The following ANKRD36 variants were observed in gnomAD, a reference collection of about 807,000 sequenced individuals.
ANKRD36 encodes the protein ankyrin repeat domain 36.
Under a neutral mutation model 278.1 loss-of-function variants are expected in ANKRD36, and 179 were observed. The ratio of observed to expected loss-of-function variants is 0.64; its 90% CI spans 0.57 to 0.73. ANKRD36 has a LOEUF of 0.73. ANKRD36 is among the 30% of genes least tolerant of loss of function. The pLI, the probability that ANKRD36 is intolerant of heterozygous loss-of-function variation, is 0.00. For missense variants in ANKRD36, 1,159 were observed against 1,956.7 expected (o/e 0.59, Z 7.69); for synonymous variants, 320 against 641.1 (o/e 0.50, Z 7.57).
intron 28 of ANKRD36, among the ~76,000 whole-genome samples, chr2:97,183,903 A>C (rs1349351813): frequency 1.3e-5 from 2 of 151,730 alleles, no homozygotes; most frequent in East Asian, 3.9e-4. Flanking sequence ...AGTTCAAGAC[A>C]TAAGAGGATC....
intron 44 of ANKRD36, among the ~76,000 whole-genome samples, chr2:97,198,877 A>G (rs2060523201): frequency 6.6e-6 from 1 of 151,768 alleles, no homozygotes; most frequent in African/African-American, 2.4e-5. Context: ...GAAATTGGGA[A>G]GAAGAAATAT....
At chr2:97,219,726 C>T (rs1385650396) in intron 66 of ANKRD36, among the ~76,000 whole-genome samples, 3 of 135,898 alleles carry the variant, frequency 2.2e-5, no homozygotes, top group Non-Finnish European at 3.0e-5. Context: ...GGTGATCCTC[C>T]CGCCTCGCCC....
intron 39 of ANKRD36, 33 bp from the exon 40 acceptor site, chr2:97,194,812 C>T (rs778616228): frequency 6.2e-7 from 1 of 1,602,026 alleles, no homozygotes; most frequent in Non-Finnish European, 8.5e-7. Flanking sequence ...TGAAACATAC[C>T]TTATTTATTA....
At position 97,113,621 on chromosome 2, in the gene ANKRD36, T is replaced by C. The variant is rs965278057; in HGVS notation, c.-119T>C. The C allele has an allele frequency of 1.1e-5, 14 of 1,313,382 alleles. 1 individual carries two copies. Among genetic ancestry groups the C allele is most frequent in the East Asian group, 5.0e-5 (2 of 39,804 alleles). 81.4% of individuals were successfully genotyped at this position (1,313,382 alleles called of 1,614,324 possible). A position where few individuals can be genotyped will look rare whatever the true frequency, so the allele number is the denominator to read the frequency against. ...GTTTCTGCTGAGAGGCGGGAGGCGC[T>C]GAGAGTCTGTGCGGAGGTCCGTGGA... On this transcript the variant is annotated 5_prime_UTR_variant, in exon 1 of 76. Coordinates refer to ENST00000420699, the MANE Select transcript of ANKRD36 (RefSeq NM_001354587.1).
chr2:97,158,540 T>C, intron 16 of ANKRD36, 48 bp from the exon 17 acceptor site: 1 of 1,526,354 alleles, frequency 6.6e-7, no homozygotes, highest in Non-Finnish European at 8.8e-7. Flanking sequence ...ATTTCTTGAT[T>C]CTTAATTACA....
chr2:97,146,546 A>G, intron 11 of ANKRD36, 30 bp downstream of exon 11: 3 of 1,484,748 alleles, frequency 2.0e-6, no homozygotes, highest in Non-Finnish European at 2.7e-6. Flanking sequence ...TTAAAGTGAT[A>G]TGTTAACTTA....
chr2:97,171,733 A>C (rs2052604555), intron 22 of ANKRD36, among the ~76,000 whole-genome samples: 1 of 151,650 alleles, frequency 6.6e-6, no homozygotes, highest in South Asian at 2.1e-4. Flanking sequence ...AAAAAAAAAA[A>C]CAAAAACAAA....
intron 67 of ANKRD36, among the ~76,000 whole-genome samples, chr2:97,226,616 T>G (rs1277995600): frequency 1.3e-5 from 2 of 152,144 alleles, no homozygotes; most frequent in Non-Finnish European, 2.9e-5. Flanking sequence ...CTGTGCAAAA[T>G]CTCTTCAGTT....
chr2:97,190,158 A>G (rs1575558367), intron 34 of ANKRD36, among the ~76,000 whole-genome samples: 1 of 91,420 alleles, frequency 1.1e-5, no homozygotes, highest in East Asian at 2.2e-4. Flanking sequence ...GTTGAATTCT[A>G]ATTAACTCCT....
At chr2:97,218,016 G>A (rs560337114) in intron 64 of ANKRD36, among the ~76,000 whole-genome samples, 1 of 152,196 alleles carries the variant, frequency 6.6e-6, no homozygotes, top group African/African-American at 2.4e-5. Flanking sequence ...TGCTAGAATT[G>A]GGATAAACCA....
intron 64 of ANKRD36, among the ~76,000 whole-genome samples, 195 bp downstream of exon 64, chr2:97,217,567 T>C (rs1383801603): frequency 1.3e-5 from 2 of 152,086 alleles, no homozygotes; most frequent in African/African-American, 4.8e-5. Flanking sequence ...AACAAGCTTA[T>C]AGACTTCCCT....
intron 66 of ANKRD36, among the ~76,000 whole-genome samples, chr2:97,220,325 A>G (rs1431667240): frequency 2.0e-5 from 3 of 149,448 alleles, no homozygotes; most frequent in Non-Finnish European, 4.4e-5. Context: ...ATAAAATGCT[A>G]CATTTTATTC....
chr2:97,178,595 G>A lies in ANKRD36; in HGVS notation c.1634-1143G>A, dbSNP rs1330459260. 2.0e-5 allele frequency among the ~76,000 whole-genome samples: 3 copies of A among 148,822 alleles called. No individual in the cohort carries two copies. The Admixed American group carries it at 2.0e-4, about 10-fold the overall frequency. On this transcript the variant is annotated intron_variant, in intron 22 of 75. Transcript: ENST00000420699. ...TCGCAAAAACAAAAAACCAAACACC[G>A]CATATTCTCACTCATAGGTGGGAAT... is the stretch of plus-strand genomic sequence containing the variant.
At chr2:97,181,081 G>T (rs1226380539) in intron 24 of ANKRD36, among the ~76,000 whole-genome samples, 1 of 151,638 alleles carries the variant, frequency 6.6e-6, no homozygotes, top group African/African-American at 2.4e-5. Context: ...CATATCCAAG[G>T]TGATCAATTT....
At chr2:97,172,692 T>A (rs1210434208) in intron 22 of ANKRD36, among the ~76,000 whole-genome samples, 1 of 152,134 alleles carries the variant, frequency 6.6e-6, no homozygotes, top group Non-Finnish European at 1.5e-5. Flanking sequence ...TTCATGAATG[T>A]TAAACTCTAA....
chr2:97,207,769 A>G (rs1201268341), intron 52 of ANKRD36, 42 bp from the exon 53 acceptor site: 12 of 1,543,858 alleles, frequency 7.8e-6, no homozygotes, highest in African/African-American at 4.1e-5. Flanking sequence ...TAATTTTGTC[A>G]TTTTTACACA....
intron 22 of ANKRD36, among the ~76,000 whole-genome samples, chr2:97,171,658 A>G (rs2052565097): frequency 6.7e-6 from 1 of 148,540 alleles, no homozygotes; most frequent in South Asian, 2.2e-4. Flanking sequence ...ATATGTAACT[A>G]ACCTGCACAA....
At chr2:97,183,751 T>C in intron 28 of ANKRD36, 97 bp downstream of exon 28, 1 of 1,416,276 alleles carries the variant, frequency 7.1e-7, no homozygotes, top group East Asian at 2.5e-5. Context: ...GAAAATGCAC[T>C]TTCTGATTCA....
chr2:97,215,572 G>A lies in ANKRD36; in HGVS notation c.3673+75G>A, dbSNP rs756840434. On this transcript the variant is annotated intron_variant, in intron 62 of 75. Coordinates refer to ENST00000420699, the MANE Select transcript of ANKRD36 (RefSeq NM_001354587.1). Reference sequence around the variant, plus strand: ...ATTCACTTCCCTAAATAAATCAGCGGGGGGTTCATTGAAGTTTTATGTTTG... The same window carrying A: ...ATTCACTTCCCTAAATAAATCAGCGAGGGGTTCATTGAAGTTTTATGTTTG... 4.4e-6 allele frequency: 7 copies of A among 1,587,802 alleles called. No homozygotes were observed. In the African/African-American group the frequency reaches 9.4e-5, roughly 21 times the overall value.
Sources: gnomAD v4.1 joint callset for allele counts (sites outside exome capture counted in the v4.1 genomes callset) on GRCh38, gnomAD v4.1.1 for gene constraint, MANE v1.5 for transcripts, NCBI Gene and HGNC (gene_info 2026-07-23, HGNC 2026-07-21) for gene names.